CTNNA3: variants seen among roughly 807,000 people sequenced by gnomAD.
The protein encoded by CTNNA3 is catenin alpha-3.
In CTNNA3, 76 loss-of-function variants were observed where a neutral mutation model predicts 95.7. The observed-to-expected ratio is 0.79, with a 90% CI of 0.66 to 0.96. The LOEUF (loss-of-function observed/expected upper bound fraction) is 0.96, where lower values mean the gene tolerates loss of function less well. Among genes scored for constraint, CTNNA3 ranks in the 40% least tolerant of loss-of-function variants. The probability of loss-of-function intolerance (pLI) is 0.00; values close to 1 mark genes in which losing one functional copy is unlikely to be tolerated. For synonymous variants in CTNNA3, 431 were observed against 374.4 expected (o/e 1.15, Z -1.74); for missense variants, 1,191 against 1,089.8 (o/e 1.09, Z -1.31).
At position 67,194,963 on chromosome 10, in the gene CTNNA3, A is replaced by T. The variant is rs185075071; in HGVS notation, c.844-14443T>A. On this transcript the variant is annotated intron_variant, in intron 6 of 17. Transcript: ENST00000433211. The stretch of plus-strand genomic sequence containing the variant: ...TAAAAGGCTGAAAGCCTTTTATTTA[A>T]TACTAATATTCCCTATAAGGAATCT... Among the ~76,000 whole-genome samples the T allele has an allele frequency of 9.8e-4, 149 of 152,134 alleles. No homozygotes were observed. The Middle Eastern group carries it at 0.02, about 21-fold the overall frequency.
intron 12 of CTNNA3, among the ~76,000 whole-genome samples, chr10:66,341,451 C>T (rs2092452170): frequency 6.6e-6 from 1 of 151,716 alleles, no homozygotes; most frequent in East Asian, 1.9e-4. Flanking sequence ...ATTAAAACTA[C>T]AAATAAAAGA....
At chr10:67,451,334 A>G (rs192729094) in intron 5 of CTNNA3, among the ~76,000 whole-genome samples, 1 of 152,284 alleles carries the variant, frequency 6.6e-6, no homozygotes, top group Non-Finnish European at 1.5e-5. Context: ...CAGACTAGGA[A>G]ACTATAAAAA....
intron 7 of CTNNA3, among the ~76,000 whole-genome samples, chr10:66,958,707 T>G (rs552322430): frequency 6.6e-6 from 1 of 152,156 alleles, no homozygotes; most frequent in African/African-American, 2.4e-5. Flanking sequence ...AGAGCCAAAT[T>G]TGACAAAGGA....
chr10:67,728,196 G>A (rs1414053444), intron 1 of CTNNA3, among the ~76,000 whole-genome samples: 1 of 148,068 alleles, frequency 6.8e-6, no homozygotes, highest in Non-Finnish European at 1.5e-5. Context: ...GCTCACACCT[G>A]TAATCCTAGC....
chr10:66,436,328 T>C (rs1024148920), intron 11 of CTNNA3, among the ~76,000 whole-genome samples: 3 of 152,132 alleles, frequency 2.0e-5, no homozygotes, highest in African/African-American at 7.2e-5. Flanking sequence ...TTTAGGTCTC[T>C]AAGAACTTGC....
At chr10:66,926,095 T>TA (rs1325611898) in intron 7 of CTNNA3, 13 of 457,978 alleles carry the variant, frequency 2.8e-5, no homozygotes, top group Non-Finnish European at 5.7e-5. Context: ...GTGTGCGCGG[T>TA]ACGGGGCTCT....
chr10:66,551,495 A>G (rs1842214138), intron 10 of CTNNA3, among the ~76,000 whole-genome samples: 1 of 152,142 alleles, frequency 6.6e-6, no homozygotes, highest in African/African-American at 2.4e-5. Context: ...TATAAACTTA[A>G]GACTTCCATC....
In CTNNA3 at chr10:66,331,783, G is replaced by A. The variant is rs1158840744; in HGVS notation, c.1732+47369C>T. 1.2e-4 allele frequency among the ~76,000 whole-genome samples: 18 copies of A among 151,886 alleles called. No individual in the cohort carries two copies. The South Asian group carries it at 2.5e-3, about 21-fold the overall frequency. On this transcript the variant is annotated intron_variant, in intron 12 of 17. Transcript: ENST00000433211. ...TGGCTTAGGATTGACTTGGCAATGC[G>A]GGCTCTTTTTTGCTTCCATATGAAC...
chr10:67,113,893 C>A (rs1328356276), intron 7 of CTNNA3, among the ~76,000 whole-genome samples: 1 of 151,998 alleles, frequency 6.6e-6, no homozygotes, highest in Non-Finnish European at 1.5e-5. Context: ...GCCTGAGCAA[C>A]ATAGTGAGAT....
At chr10:65,948,823 GA>G in intron 17 of CTNNA3, among the ~76,000 whole-genome samples, 1 of 152,192 alleles carries the variant, frequency 6.6e-6, no homozygotes, top group East Asian at 1.9e-4. Flanking sequence ...TTTGAAGCCT[GA>G]AAAAATGTTC....
chr10:67,731,947 TG>T, intron 1 of CTNNA3, among the ~76,000 whole-genome samples: 1 of 151,980 alleles, frequency 6.6e-6, no homozygotes, highest in East Asian at 1.9e-4. Context: ...TTTTTGTTTT[TG>T]TTTTTGTAGT....
At chr10:67,691,244 A>G (rs1360576047) in intron 1 of CTNNA3, among the ~76,000 whole-genome samples, 1 of 151,678 alleles carries the variant, frequency 6.6e-6, no homozygotes, top group Non-Finnish European at 1.5e-5. Context: ...GCTCACTACA[A>G]CCTCCACCTC....
At position 65,916,843 on chromosome 10, in the gene CTNNA3, C is replaced by T. The variant is rs915757937; in HGVS notation, c.*3487G>A. 1 of 152,086 alleles carries T rather than the reference C, an allele frequency of 6.6e-6. No individual in the cohort carries two copies. The highest frequency in any genetic ancestry group is 2.4e-5 in the African/African-American group (1 of 41,404). The allele number at this position is 152,086 out of a possible 1,614,324, so 9.4% of individuals were successfully genotyped here. A position where few individuals can be genotyped will look rare whatever the true frequency, so the allele number is the denominator to read the frequency against. On this transcript the variant is annotated 3_prime_UTR_variant, in exon 18 of 18. Transcript: ENST00000433211. ...CCCAGAGGTGGGTGAGATGAGAACA[C>T]CCTCAAAATGAAGGTTCAGGAAGCC...
At chr10:66,607,308 A>T (rs1844160191) in intron 10 of CTNNA3, among the ~76,000 whole-genome samples, 1 of 151,910 alleles carries the variant, frequency 6.6e-6, no homozygotes, top group Non-Finnish European at 1.5e-5. Context: ...AATCGAAGAA[A>T]ATGCAGGATC....
rs530275111 is a variant in CTNNA3 at position 67,074,889 on chromosome 10, C to A, written c.1047+105428G>T. ...AAGCACACATTTGAGAATCAAGCTACCTATTAAAATGGTCTATATTTAACA... is the reference window on the plus strand; with the variant it reads ...AAGCACACATTTGAGAATCAAGCTAACTATTAAAATGGTCTATATTTAACA... On this transcript the variant is annotated intron_variant, in intron 7 of 17. Transcript: ENST00000433211. Among the ~76,000 whole-genome samples, 318 of 152,144 alleles carry A rather than the reference C, an allele frequency of 2.1e-3. 12 individuals are homozygous for A. In the South Asian group the frequency reaches 0.065, roughly 31 times the overall value.
chr10:66,775,457 T>C lies in CTNNA3; in HGVS notation c.1115A>G (p.Asp372Gly). The change falls in exon 8 of 18, where the codon GAC becomes GGC. Residue 372 changes from aspartate to glycine, a missense_variant. Asp to Gly is a moderately conservative substitution (Grantham distance 94, BLOSUM62 -1). Transcript: ENST00000433211. The part of the protein sequence containing the change: ...ALDNMCKKTR[D>G]LRRQLRKAII... The stretch of plus-strand genomic sequence containing the variant: ...CTCTTCCCTCACCTGTCTGCGAAGG[T>C]CTCTTGTCTTCTTACACATGTTGTC... The C allele has an allele frequency of 6.2e-7, 1 of 1,610,240 alleles. No individual in the cohort carries two copies. Among genetic ancestry groups the C allele is most frequent in the Non-Finnish European group, 8.5e-7 (1 of 1,177,856 alleles).
chr10:66,717,229 G>A (rs1409641858), intron 9 of CTNNA3, among the ~76,000 whole-genome samples: 2 of 151,974 alleles, frequency 1.3e-5, no homozygotes, highest in Admixed American at 6.6e-5. Flanking sequence ...GCCAGCCCCC[G>A]CCATGTAAGC....
chr10:67,643,188 G>A (rs975492971), intron 2 of CTNNA3, among the ~76,000 whole-genome samples: 1 of 152,184 alleles, frequency 6.6e-6, no homozygotes. Context: ...GGATGGAGTT[G>A]GAAGTCATTA....
At chr10:67,617,305 A>G (rs1011289369) in intron 2 of CTNNA3, among the ~76,000 whole-genome samples, 1 of 152,114 alleles carries the variant, frequency 6.6e-6, no homozygotes, top group South Asian at 2.1e-4. Context: ...CTATGTGTCC[A>G]TGTGTTCTCA....
Sources: allele counts gnomAD v4.1 joint callset (sites outside exome capture counted in the v4.1 genomes callset), GRCh38; gene constraint gnomAD v4.1.1; transcripts MANE v1.5; gene names NCBI Gene and HGNC (gene_info 2026-07-23, HGNC 2026-07-21).